GRIN2B: variants seen among roughly 807,000 people sequenced by gnomAD.
GRIN2B encodes glutamate ionotropic receptor NMDA type subunit 2B, also known as glutamate receptor ionotropic, NMDA 2B.
A neutral mutation model predicts 114.5 loss-of-function variants in GRIN2B; 5 were observed. The ratio of observed to expected loss-of-function variants is 0.04; its 90% CI spans 0.02 to 0.09. The LOEUF is 0.09. GRIN2B is among the 10% of genes least tolerant of loss of function. GRIN2B has a pLI of 1.00. For missense variants in GRIN2B, 1,108 were observed against 1,943.5 expected (o/e 0.57, Z 8.08); for synonymous variants, 787 against 745.1 (o/e 1.06, Z -0.92).
intron 5 of GRIN2B, among the ~76,000 whole-genome samples, chr12:13,634,785 G>A (rs932730460): frequency 2.0e-5 from 3 of 151,530 alleles, no homozygotes; most frequent in East Asian, 1.9e-4. Context: ...ATTTACACAT[G>A]TGTTGTTTCA....
intron 4 of GRIN2B, among the ~76,000 whole-genome samples, chr12:13,708,259 A>C (rs2136577017): frequency 6.6e-6 from 1 of 152,212 alleles, no homozygotes. Flanking sequence ...CGCTTCCCGT[A>C]AGTTTTATTC....
At chr12:13,981,115 A>G (rs1863129787) in intron 1 of GRIN2B, among the ~76,000 whole-genome samples, 1 of 151,714 alleles carries the variant, frequency 6.6e-6, no homozygotes, top group Admixed American at 6.6e-5. Context: ...GAAACCCCCC[A>G]AAAGACCAGA....
intron 2 of GRIN2B, among the ~76,000 whole-genome samples, chr12:13,953,582 T>C (rs1290401581): frequency 6.6e-6 from 1 of 152,218 alleles, no homozygotes; most frequent in African/African-American, 2.4e-5. Context: ...ATGGAGATAC[T>C]GCCAAGAGAT....
At chr12:13,956,866 C>T (rs983973903) in intron 2 of GRIN2B, among the ~76,000 whole-genome samples, 2 of 152,152 alleles carry the variant, frequency 1.3e-5, no homozygotes, top group African/African-American at 2.4e-5. Context: ...TCAGATCCTC[C>T]CTCTAGTCCT....
rs1340038343 is a variant in GRIN2B at position 13,541,552 on chromosome 12, C to T, written c.*21231G>A. 3.3e-5 allele frequency: 5 copies of T among 152,232 alleles called. No individual in the cohort carries two copies. The highest frequency in any genetic ancestry group is 3.3e-4 in the Admixed American group (5 of 15,284). The allele number at this position is 152,232 out of a possible 1,614,324, so 9.4% of individuals were successfully genotyped here. On this transcript the variant is annotated 3_prime_UTR_variant, in exon 14 of 14. Coordinates refer to ENST00000609686, the MANE Select transcript of GRIN2B (RefSeq NM_000834.5). ...CTTCCTAAATAGAGTTTAATGCGTACTCAGTGCATAAAGTAAGGTATGACT... is the reference window on the plus strand; with the variant it reads ...CTTCCTAAATAGAGTTTAATGCGTATTCAGTGCATAAAGTAAGGTATGACT...
chr12:13,763,142 C>T (rs1483084348), intron 3 of GRIN2B, among the ~76,000 whole-genome samples: 2 of 151,932 alleles, frequency 1.3e-5, no homozygotes, highest in Non-Finnish European at 2.9e-5. Context: ...AATCTTCCAA[C>T]AACTTGTCAG....
At chr12:13,581,473 C>T (rs934030702) in intron 10 of GRIN2B, among the ~76,000 whole-genome samples, 1 of 145,930 alleles carries the variant, frequency 6.9e-6, no homozygotes, top group East Asian at 1.9e-4. Context: ...ACCATAATCC[C>T]TTGTCGGGCC....
At chr12:13,575,063 T>C (rs1948756725) in intron 10 of GRIN2B, among the ~76,000 whole-genome samples, 1 of 152,236 alleles carries the variant, frequency 6.6e-6, no homozygotes, top group South Asian at 2.1e-4. Context: ...AAGTGGATCA[T>C]ATATCTAAAA....
At chr12:13,910,453 G>C (rs1031221057) in intron 2 of GRIN2B, among the ~76,000 whole-genome samples, 4 of 152,162 alleles carry the variant, frequency 2.6e-5, no homozygotes, top group Admixed American at 2.6e-4. Context: ...GCCTTCTCTT[G>C]CTTTCTCTCT....
At chr12:13,565,203 G>A (rs1038661767) in intron 13 of GRIN2B, among the ~76,000 whole-genome samples, 2 of 152,176 alleles carry the variant, frequency 1.3e-5, no homozygotes, top group African/African-American at 4.8e-5. Context: ...AATAACAGCT[G>A]AGCAATTCTC....
At chr12:13,774,780 C>A (rs1358688911) in intron 3 of GRIN2B, among the ~76,000 whole-genome samples, 3 of 152,008 alleles carry the variant, frequency 2.0e-5, no homozygotes, top group East Asian at 3.9e-4. Flanking sequence ...TTCCTAGGCA[C>A]AAAGATTACC....
intron 5 of GRIN2B, among the ~76,000 whole-genome samples, chr12:13,650,925 A>G (rs777625886): frequency 6.6e-6 from 1 of 152,094 alleles, no homozygotes; most frequent in Non-Finnish European, 1.5e-5. Context: ...GTGCTGAACA[A>G]ACTTTTTTAA....
At position 13,562,122 on chromosome 12, in the gene GRIN2B, T is replaced by C. The variant is rs1259513143; in HGVS notation, c.*661A>G. The C allele has an allele frequency of 6.6e-6, 1 of 152,596 alleles. No homozygotes were observed. The highest frequency in any genetic ancestry group is 2.1e-4 in the South Asian group (1 of 4,844). 9.5% of individuals were successfully genotyped at this position (152,596 alleles called of 1,614,324 possible). A position where few individuals can be genotyped will look rare whatever the true frequency, so the allele number is the denominator to read the frequency against. ...TATCATAACGTACTTTCCAGTTTGT[T>C]CAAGAATCCACTCTGCCACCAATGA... On this transcript the variant is annotated 3_prime_UTR_variant, in exon 14 of 14. Transcript: ENST00000609686.
intron 3 of GRIN2B, among the ~76,000 whole-genome samples, chr12:13,819,560 C>T (rs1050260742): frequency 6.6e-6 from 1 of 152,262 alleles, no homozygotes; most frequent in Non-Finnish European, 1.5e-5. Context: ...AAGGTAATAG[C>T]GTGTATTTAC....
At chr12:13,621,404 A>T (rs1949511950) in intron 5 of GRIN2B, among the ~76,000 whole-genome samples, 1 of 152,090 alleles carries the variant, frequency 6.6e-6, no homozygotes, top group Admixed American at 6.5e-5. Context: ...TATGATCAGG[A>T]AAATAAAAAA....
chr12:13,805,507 G>A (rs1294422984), intron 3 of GRIN2B, among the ~76,000 whole-genome samples: 3 of 152,052 alleles, frequency 2.0e-5, no homozygotes, highest in Non-Finnish European at 4.4e-5. Flanking sequence ...CCATGGGGAG[G>A]TGTTTCATCT....
At chr12:13,596,862 CT>C (rs1949080387) in intron 10 of GRIN2B, among the ~76,000 whole-genome samples, 1 of 152,218 alleles carries the variant, frequency 6.6e-6, no homozygotes, top group South Asian at 2.1e-4. Flanking sequence ...ATTATCACTC[CT>C]TTGAGAATCC....
chr12:13,970,702 C>CAT (rs1386939722), intron 2 of GRIN2B, among the ~76,000 whole-genome samples: 1 of 151,444 alleles, frequency 6.6e-6, no homozygotes, highest in Non-Finnish European at 1.5e-5. Context: ...CACACACACA[C>CAT]ACACACACAC....
At chr12:13,720,236 C>A (rs547639446) in intron 4 of GRIN2B, among the ~76,000 whole-genome samples, 3 of 152,120 alleles carry the variant, frequency 2.0e-5, no homozygotes, top group South Asian at 4.1e-4. Flanking sequence ...GGGTGTCTGG[C>A]TCCTCAGTTC....
Sources: gnomAD v4.1 joint callset for allele counts (sites outside exome capture counted in the v4.1 genomes callset) on GRCh38, gnomAD v4.1.1 for gene constraint, MANE v1.5 for transcripts, NCBI Gene and HGNC (gene_info 2026-07-23, HGNC 2026-07-21) for gene names.